Variants in GLDN observed in about 807,000 individuals in gnomAD.
The protein encoded by GLDN is collomin.
Under a neutral mutation model 56.5 loss-of-function variants are expected in GLDN, and 47 were observed. The ratio of observed to expected loss-of-function variants is 0.83; its 90% CI spans 0.66 to 1.06. The LOEUF is 1.06. GLDN is among the 50% of genes least tolerant of loss of function. The probability of loss-of-function intolerance (pLI) is 0.00; values close to 1 mark genes in which losing one functional copy is unlikely to be tolerated. For synonymous variants in GLDN, 332 were observed against 278.8 expected, an observed-to-expected ratio of 1.19 and a Z score of -1.90; for missense variants, 782 against 714.3, an observed-to-expected ratio of 1.09 and a Z score of -1.08.
rs1032714851 is a variant in GLDN at position 51,405,444 on chromosome 15, T to C, written c.*690T>C. 1 of 149,864 alleles carries C rather than the reference T, an allele frequency of 6.7e-6. No homozygotes were observed. Among genetic ancestry groups the C allele is most frequent in the Non-Finnish European group, 1.5e-5 (1 of 67,740 alleles). The allele number at this position is 149,864 out of a possible 1,614,324, so 9.3% of individuals were successfully genotyped here. On this transcript the variant is annotated 3_prime_UTR_variant, in exon 10 of 10. Transcript: ENST00000335449. ...TTTCTTATTTTAAATAGAGAGAGAG[T>C]CTTGCTATGTTTCCCAGGCTGGTCT...
At position 51,341,976 on chromosome 15, in the gene GLDN, G is replaced by T; in HGVS notation, c.292G>T (p.Gly98Cys). 3.8e-6 allele frequency: 6 copies of T among 1,597,636 alleles called. No homozygotes were observed. The highest frequency in any genetic ancestry group is 5.1e-6 in the Non-Finnish European group (6 of 1,179,480). The change falls in exon 1 of 10, where the codon GGC becomes TGC. Residue 98 changes from glycine to cysteine, a missense_variant. By Grantham distance (159) the Gly-to-Cys change is radical. Transcript: ENST00000335449. ...AGCTCGCAACAAGCGCAGCCACAGC[G>T]GCGAGCCCGCGCCGCATATCCGCGC... Reference protein sequence around the residue: ...SSARNKRSHSGEPAPHIRAES... With the variant: ...SSARNKRSHSCEPAPHIRAES...
downstream of GLDN, among the ~76,000 whole-genome samples, chr15:51,412,858 G>C (rs141216530): frequency 3.3e-3 from 496 of 152,176 alleles, 5 homozygotes; most frequent in African/African-American, 0.011. Flanking sequence ...TAATAATAAA[G>C]TGATATAGTT....
chr15:51,394,627 TA>T lies in GLDN; in HGVS notation c.542-205del, dbSNP rs564574416. On this transcript the variant is annotated intron_variant, in intron 4 of 9. Coordinates refer to ENST00000335449, the MANE Select transcript of GLDN (RefSeq NM_181789.4). ...GAGTCCATCTCAATAAATAAATAAA[TA>T]AATAAATAAATAATCCAGCAGAGCC... 2.1e-3 allele frequency among the ~76,000 whole-genome samples: 320 copies of T among 151,952 alleles called. 2 individuals carry two copies. Among genetic ancestry groups the T allele is most frequent in the African/African-American group, 7.3e-3 (303 of 41,412 alleles).
At chr15:51,402,080 G>A (rs1197493131) in intron 9 of GLDN, among the ~76,000 whole-genome samples, 3 of 152,212 alleles carry the variant, frequency 2.0e-5, no homozygotes, top group South Asian at 2.1e-4. Flanking sequence ...CTGGTGGAAC[G>A]TGCTGCTGCT....
In GLDN at chr15:51,404,571, G is replaced by C. The variant is rs141622986; in HGVS notation, c.1473G>C (p.Arg491Ser). 1 of 1,613,876 alleles carries C rather than the reference G, an allele frequency of 6.2e-7. No homozygotes were observed. Among genetic ancestry groups the C allele is most frequent in the Non-Finnish European group, 8.5e-7 (1 of 1,180,022 alleles). Residue 491 changes from arginine (R) to serine (S), a missense_variant, in exon 10 of 10, where the codon AGG becomes AGC. Transcript: ENST00000335449. ...ATGTCACAGACACCAAAGATATGAG[G>C]GTCACATTTGCCTTTGATTTGTTAG... The part of the protein sequence containing the change: ...ILYVTDTKDM[R>S]VTFAFDLLGG...
Position 51,348,114 on chromosome 15 carries a change from G to A in GLDN, c.363+6067G>A, listed in dbSNP as rs535073831. Reference sequence around the variant, plus strand: ...CTGTGTTACTCTCTTCTTTATGGGAGTAAAAAGGGCCTTGTACCCCAGGTA... The same window carrying A: ...CTGTGTTACTCTCTTCTTTATGGGAATAAAAAGGGCCTTGTACCCCAGGTA... On this transcript the variant is annotated intron_variant, in intron 1 of 9. Coordinates refer to ENST00000335449, the MANE Select transcript of GLDN (RefSeq NM_181789.4). Among the ~76,000 whole-genome samples, 10 of 152,176 alleles carry A rather than the reference G, an allele frequency of 6.6e-5. No individual in the cohort carries two copies. The East Asian group carries it at 1.7e-3, about 27-fold the overall frequency.
intron 1 of GLDN, among the ~76,000 whole-genome samples, chr15:51,352,918 A>C (rs958484897): frequency 2.7e-5 from 4 of 147,292 alleles, no homozygotes; most frequent in African/African-American, 1.1e-4. Flanking sequence ...TGGCTTGGGA[A>C]GCACAGCACC....
intron 1 of GLDN, among the ~76,000 whole-genome samples, chr15:51,371,740 T>A (rs12442337): frequency 6.6e-6 from 1 of 152,144 alleles, no homozygotes; most frequent in African/African-American, 2.4e-5. Flanking sequence ...TGGAGTGCAG[T>A]GGCTCGATCT....
At chr15:51,351,451 C>G (rs74669593) in intron 1 of GLDN, among the ~76,000 whole-genome samples, 5,496 of 152,264 alleles carry the variant, frequency 0.036, 315 homozygotes, top group African/African-American at 0.13. Flanking sequence ...TCTAGGGAGA[C>G]AGCAGTACCC....
chr15:51,352,578 G>A (rs7163193), intron 1 of GLDN, among the ~76,000 whole-genome samples: 39,896 of 152,046 alleles, frequency 0.26, 5,524 homozygotes, highest in Admixed American at 0.31. Context: ...ATAGTATTTG[G>A]CCTCTTAAAG....
In GLDN at chr15:51,404,450, A is replaced by G; in HGVS notation, c.1352A>G (p.Gln451Arg). The G allele has an allele frequency of 6.2e-7, 1 of 1,614,160 alleles. No individual in the cohort carries two copies. Among genetic ancestry groups the G allele is most frequent in the Non-Finnish European group, 8.5e-7 (1 of 1,180,030 alleles). ...GACGGCTCGAGCATTCTTGTAGCAC[A>G]ACTGGATGAGAGGACATTCTCAGTG... ...SVDGSSILVAQLDERTFSVVQ... is the reference protein window; with the variant it reads ...SVDGSSILVARLDERTFSVVQ... Residue 451 changes from glutamine (Q) to arginine (R), a missense_variant, in exon 10 of 10, where the codon CAA becomes CGA. Transcript: ENST00000335449.
intron 4 of GLDN, among the ~76,000 whole-genome samples, chr15:51,391,727 A>AC (rs1408626299): frequency 6.6e-6 from 1 of 152,132 alleles, no homozygotes; most frequent in Non-Finnish European, 1.5e-5. Context: ...ACAAGCCATA[A>AC]CCCCTCAAAG....
chr15:51,360,388 C>T (rs2037271454), intron 1 of GLDN: 1 of 152,464 alleles, frequency 6.6e-6, no homozygotes, highest in Non-Finnish European at 1.5e-5. Flanking sequence ...GTCCATGTCC[C>T]TTGTGCCAGG....
At chr15:51,342,070 G>A (rs373097939) in intron 1 of GLDN, 23 bp downstream of exon 1, 4 of 1,589,164 alleles carry the variant, frequency 2.5e-6, no homozygotes, top group East Asian at 2.3e-5. Context: ...TCTGTTCCCC[G>A]TGGCGCCCCG....
intron 1 of GLDN, among the ~76,000 whole-genome samples, chr15:51,363,243 G>A (rs2037336152): frequency 6.6e-6 from 1 of 152,136 alleles, no homozygotes; most frequent in Non-Finnish European, 1.5e-5. Flanking sequence ...CTTGGACTTA[G>A]GGAGGCTTCA....
At chr15:51,391,502 G>C (rs553293019) in intron 4 of GLDN, among the ~76,000 whole-genome samples, 1 of 152,178 alleles carries the variant, frequency 6.6e-6, no homozygotes, top group Non-Finnish European at 1.5e-5. Context: ...GTGCAGGCTG[G>C]ACTCTATGGC....
intron 1 of GLDN, among the ~76,000 whole-genome samples, chr15:51,353,869 A>G (rs1006587602): frequency 6.6e-6 from 1 of 152,146 alleles, no homozygotes; most frequent in African/African-American, 2.4e-5. Flanking sequence ...ATTAATTTAC[A>G]TGCATTTTAT....
intron 9 of GLDN, among the ~76,000 whole-genome samples, chr15:51,403,128 A>G (rs1032134642): frequency 6.6e-6 from 1 of 152,170 alleles, no homozygotes; most frequent in Non-Finnish European, 1.5e-5. Context: ...GTTTGGATGC[A>G]GTGGTTAGGA....
At chr15:51,347,859 C>A (rs1372881794) in intron 1 of GLDN, among the ~76,000 whole-genome samples, 1 of 152,062 alleles carries the variant, frequency 6.6e-6, no homozygotes, top group Non-Finnish European at 1.5e-5. Context: ...AGCTGTAGAA[C>A]AAGAATGAGG....
Sources: gnomAD v4.1 joint callset for allele counts (sites outside exome capture counted in the v4.1 genomes callset) on GRCh38, gnomAD v4.1.1 for gene constraint, MANE v1.5 for transcripts, NCBI Gene and HGNC (gene_info 2026-07-23, HGNC 2026-07-21) for gene names.